NCALD: variants seen among roughly 807,000 people sequenced by gnomAD.
The protein encoded by NCALD is neurocalcin-delta.
A neutral mutation model predicts 18.6 loss-of-function variants in NCALD; 10 were observed. The ratio of observed to expected loss-of-function variants is 0.54; its 90% CI spans 0.33 to 0.91. The LOEUF (loss-of-function observed/expected upper bound fraction) is 0.91, where lower values mean the gene tolerates loss of function less well. Among genes scored for constraint, NCALD ranks in the 40% least tolerant of loss-of-function variants. NCALD has a pLI of 0.03. For synonymous variants in NCALD, 88 were observed against 87.4 expected, an observed-to-expected ratio of 1.01 and a Z score of -0.04; for missense variants, 184 against 247.6, an observed-to-expected ratio of 0.74 and a Z score of 1.72.
intron 1 of NCALD, chr8:101,779,817 C>T (rs750312996): frequency 2.0e-5 from 3 of 152,076 alleles, no homozygotes; most frequent in Non-Finnish European, 4.4e-5. Context: ...AAAATATAAG[C>T]CTGTACTCAT....
chr8:102,084,871 C>T (rs1415019003), intron 1 of NCALD, among the ~76,000 whole-genome samples: 1 of 152,186 alleles, frequency 6.6e-6, no homozygotes, highest in Non-Finnish European at 1.5e-5. Context: ...TTTAACAACT[C>T]CCTGACCATC....
intron 1 of NCALD, among the ~76,000 whole-genome samples, chr8:102,049,788 T>C (rs940549509): frequency 3.3e-5 from 5 of 152,208 alleles, no homozygotes; most frequent in African/African-American, 1.2e-4. Context: ...TAGATTATGT[T>C]AACCATCTTT....
At chr8:101,975,850 T>C (rs1746423160) in intron 2 of NCALD, among the ~76,000 whole-genome samples, 1 of 152,198 alleles carries the variant, frequency 6.6e-6, no homozygotes, top group South Asian at 2.1e-4. Context: ...ATCTTCTCTT[T>C]GTATTTCACC....
chr8:101,712,858 TAGAC>T (rs1427749185), intron 2 of NCALD, among the ~76,000 whole-genome samples: 1 of 152,084 alleles, frequency 6.6e-6, no homozygotes, highest in Non-Finnish European at 1.5e-5. Flanking sequence ...CTGCCAATAT[TAGAC>T]AGATCAACAA....
chr8:101,840,391 G>T (rs1445344194), intron 4 of NCALD, among the ~76,000 whole-genome samples: 3 of 152,176 alleles, frequency 2.0e-5, no homozygotes, highest in African/African-American at 7.2e-5. Context: ...ATGCTGCTTG[G>T]TAGGTCTTGT....
chr8:101,892,423 C>T (rs1586705404), intron 3 of NCALD, among the ~76,000 whole-genome samples: 1 of 149,378 alleles, frequency 6.7e-6, no homozygotes, highest in African/African-American at 2.6e-5. Context: ...AAAAACAAAA[C>T]AGAAAAACTG....
chr8:101,896,021 G>C (rs1817151806), intron 3 of NCALD, among the ~76,000 whole-genome samples: 1 of 150,964 alleles, frequency 6.6e-6, no homozygotes, highest in South Asian at 2.1e-4. Context: ...CTACTTTAAA[G>C]TTCATATGGA....
intron 2 of NCALD, among the ~76,000 whole-genome samples, chr8:101,954,616 A>T (rs1179851687): frequency 6.6e-6 from 1 of 152,186 alleles, no homozygotes; most frequent in East Asian, 1.9e-4. Context: ...AAGAGGAGAG[A>T]GAGGAGAGGA....
intron 2 of NCALD, among the ~76,000 whole-genome samples, chr8:101,717,966 C>T (rs1240896022): frequency 6.6e-6 from 1 of 152,318 alleles, no homozygotes; most frequent in Admixed American, 6.5e-5. Context: ...TTAATTTAAT[C>T]TCTTTGATGA....
intron 4 of NCALD, among the ~76,000 whole-genome samples, chr8:101,806,419 T>C (rs766445278): frequency 6.6e-6 from 1 of 152,116 alleles, no homozygotes; most frequent in East Asian, 1.9e-4. Flanking sequence ...ATTATAAATA[T>C]GTTAAAAGAA....
rs1563650204 is a variant in NCALD, at chr8:101,688,720, CCT to C, written c.*587_*588del. The C allele has an allele frequency of 6.0e-6, 3 of 496,368 alleles. No individual in the cohort carries two copies. The highest frequency in any genetic ancestry group is 1.2e-5 in the Non-Finnish European group (3 of 253,878). The allele number at this position is 496,368 out of a possible 1,614,324, so 30.7% of individuals were successfully genotyped here. On this transcript the variant is annotated 3_prime_UTR_variant, in exon 4 of 4. Transcript: ENST00000220931. ...AATAGCTGAGCCATCTTTTTCCTCTCCTCTGTTAATTTATCTTGAAATGTTCA... is the reference window on the plus strand; with the variant it reads ...AATAGCTGAGCCATCTTTTTCCTCTCCTGTTAATTTATCTTGAAATGTTCA...
chr8:101,918,356 A>G (rs1818044068), intron 2 of NCALD, among the ~76,000 whole-genome samples: 1 of 152,142 alleles, frequency 6.6e-6, no homozygotes, highest in Admixed American at 6.6e-5. Context: ...CATCTATGGT[A>G]AACCCACAGC....
chr8:101,794,013 T>C (rs1812543781), upstream of NCALD, among the ~76,000 whole-genome samples: 1 of 152,200 alleles, frequency 6.6e-6, no homozygotes, highest in Non-Finnish European at 1.5e-5. Context: ...ACCTACTGTT[T>C]AGAGCTACTG....
intron 2 of NCALD, among the ~76,000 whole-genome samples, chr8:101,988,154 C>CAAAAAAA (rs141735735): frequency 8.1e-5 from 3 of 37,116 alleles, no homozygotes; most frequent in African/African-American, 1.4e-4. Context: ...GACTCCGTCT[C>CAAAAAAA]AAAAAAAAAA....
chr8:102,043,429 A>T (rs1315201717), intron 1 of NCALD, among the ~76,000 whole-genome samples: 1 of 151,718 alleles, frequency 6.6e-6, no homozygotes, highest in African/African-American at 2.4e-5. Context: ...AAGCTTCTGT[A>T]TTCTTGACTA....
At chr8:101,967,712 A>G (rs1309279251) in intron 2 of NCALD, among the ~76,000 whole-genome samples, 3 of 152,118 alleles carry the variant, frequency 2.0e-5, no homozygotes, top group Non-Finnish European at 2.9e-5. Context: ...AAGGCCCCAC[A>G]CTGCCACCAG....
intron 2 of NCALD, among the ~76,000 whole-genome samples, chr8:101,708,944 A>C (rs61332998): frequency 0.026 from 3,938 of 152,334 alleles, 135 homozygotes; most frequent in African/African-American, 0.078. Context: ...AAAGGAGAGG[A>C]AATATCAATC....
chr8:101,711,815 CAGAG>C (rs975508672), intron 2 of NCALD, among the ~76,000 whole-genome samples: 1 of 152,038 alleles, frequency 6.6e-6, no homozygotes, highest in African/African-American at 2.4e-5. Context: ...CTGAAAATGA[CAGAG>C]AGAATGGAAC....
At chr8:101,919,452 T>A (rs560039824) in intron 2 of NCALD, among the ~76,000 whole-genome samples, 1 of 152,118 alleles carries the variant, frequency 6.6e-6, no homozygotes, top group African/African-American at 2.4e-5. Flanking sequence ...GAAAACACCA[T>A]TCTGGACATT....
Sources: allele counts gnomAD v4.1 joint callset (sites outside exome capture counted in the v4.1 genomes callset), GRCh38; gene constraint gnomAD v4.1.1; transcripts MANE v1.5; gene names NCBI Gene and HGNC (gene_info 2026-07-23, HGNC 2026-07-21).